Variants in NTM observed in about 807,000 individuals in gnomAD.
The protein encoded by NTM is IgLON family member 2.
A neutral mutation model predicts 42.1 loss-of-function variants in NTM; 13 were observed. That is an observed-to-expected ratio of 0.31 (90% confidence interval 0.20 to 0.49). The LOEUF is 0.49. NTM is among the 20% of genes least tolerant of loss of function. The probability of loss-of-function intolerance (pLI) is 0.99; values close to 1 mark genes in which losing one functional copy is unlikely to be tolerated. For synonymous variants in NTM, 187 were observed against 179.2 expected, an observed-to-expected ratio of 1.04 and a Z score of -0.35; for missense variants, 373 against 452.8, an observed-to-expected ratio of 0.82 and a Z score of 1.60.
At chr11:131,707,598 T>C (rs2076718151) in intron 1 of NTM, among the ~76,000 whole-genome samples, 1 of 152,128 alleles carries the variant, frequency 6.6e-6, no homozygotes, top group African/African-American at 2.4e-5. Context: ...TTATACTAAT[T>C]AACATTCCCA....
Position 131,596,074 on chromosome 11 carries a change from T to G in NTM, c.82+225186T>G, listed in dbSNP as rs992628784. 2.0e-5 allele frequency among the ~76,000 whole-genome samples: 3 copies of G among 152,174 alleles called. No individual in the cohort carries two copies. The East Asian group carries it at 5.8e-4, about 29-fold the overall frequency. On this transcript the variant is annotated intron_variant, in intron 1 of 8. Coordinates refer to ENST00000683400, the MANE Select transcript of NTM (RefSeq NM_001352005.2). Reference sequence around the variant, plus strand: ...TGTGACCGGGACAGTGTTTTTCTTGTTTGTAACATGAAGCTAATACCTCCC... The same window carrying G: ...TGTGACCGGGACAGTGTTTTTCTTGGTTGTAACATGAAGCTAATACCTCCC...
At chr11:131,837,825 G>A (rs1449745980) in intron 1 of NTM, among the ~76,000 whole-genome samples, 2 of 152,184 alleles carry the variant, frequency 1.3e-5, no homozygotes, top group Non-Finnish European at 2.9e-5. Context: ...CTGTGGCGAC[G>A]TGCCCTGACG....
intron 1 of NTM, among the ~76,000 whole-genome samples, chr11:131,879,300 A>G (rs2049096753): frequency 6.6e-6 from 1 of 152,130 alleles, no homozygotes; most frequent in Admixed American, 6.5e-5. Context: ...GGGCCTTCAC[A>G]TCAGGAAGCA....
At chr11:132,001,012 T>C (rs1378370746) in intron 2 of NTM, among the ~76,000 whole-genome samples, 1 of 152,168 alleles carries the variant, frequency 6.6e-6, no homozygotes, top group Non-Finnish European at 1.5e-5. Context: ...GTAGCATTCA[T>C]AGTCATCTGC....
chr11:132,314,889 G>GCAGA, intron 7 of NTM, 186 bp downstream of exon 7: 1 of 1,352,358 alleles, frequency 7.4e-7, no homozygotes, highest in Non-Finnish European at 9.5e-7. Flanking sequence ...CAGGGAGGAG[G>GCAGA]CAGACAGAAA....
chr11:131,479,552 A>G (rs570384570), intron 1 of NTM, among the ~76,000 whole-genome samples: 70 of 152,020 alleles, frequency 4.6e-4, no homozygotes, highest in African/African-American at 1.4e-3. Context: ...AAAATTTGGA[A>G]CTCCTCACCT....
chr11:131,485,308 G>T (rs1954047911), intron 1 of NTM, among the ~76,000 whole-genome samples: 1 of 152,200 alleles, frequency 6.6e-6, no homozygotes, highest in Admixed American at 6.5e-5. Context: ...ACCTGGTGGG[G>T]CAGGGGAAAT....
At chr11:131,605,194 G>A (rs943344832) in intron 1 of NTM, among the ~76,000 whole-genome samples, 13 of 151,878 alleles carry the variant, frequency 8.6e-5, no homozygotes, top group African/African-American at 3.1e-4. Context: ...TTCACAGAAT[G>A]ACTTTTCATT....
chr11:132,334,890 A>T, intron 8 of NTM, 156 bp from the exon 9 acceptor site: 1 of 787,548 alleles, frequency 1.3e-6, no homozygotes, highest in South Asian at 5.8e-5. Context: ...TGGGCCATAG[A>T]ACGTTCACTT....
chr11:131,495,428 G>T (rs1029789665), intron 1 of NTM, among the ~76,000 whole-genome samples: 1 of 152,250 alleles, frequency 6.6e-6, no homozygotes, highest in Non-Finnish European at 1.5e-5. Context: ...TGTGGCCCAG[G>T]GGCCAGGAAA....
chr11:132,047,114 G>C (rs952014619), intron 2 of NTM, among the ~76,000 whole-genome samples: 6 of 152,240 alleles, frequency 3.9e-5, no homozygotes, highest in Non-Finnish European at 7.3e-5. Context: ...TATTTCCCAA[G>C]TGTTTCCTTA....
At chr11:132,280,916 C>T (rs1158897623) in intron 4 of NTM, among the ~76,000 whole-genome samples, 1 of 152,210 alleles carries the variant, frequency 6.6e-6, no homozygotes, top group Non-Finnish European at 1.5e-5. Flanking sequence ...GCCCACAGGG[C>T]AGTCATTGGC....
At chr11:131,752,913 T>C (rs1032309394) in intron 1 of NTM, among the ~76,000 whole-genome samples, 2 of 151,984 alleles carry the variant, frequency 1.3e-5, no homozygotes, top group African/African-American at 4.8e-5. Context: ...ACTAAAGAGC[T>C]TCTGCACAGC....
chr11:131,858,094 T>C (rs1451496771), intron 1 of NTM, among the ~76,000 whole-genome samples: 1 of 152,144 alleles, frequency 6.6e-6, no homozygotes, highest in Non-Finnish European at 1.5e-5. Context: ...TGAGCTCTTA[T>C]GAGGTTCTGG....
intron 1 of NTM, chr11:131,795,269 T>G: frequency 2.0e-6 from 1 of 492,112 alleles, no homozygotes; most frequent in Non-Finnish European, 2.6e-6. Context: ...TAATCATTTC[T>G]TCCTTATAGG....
intron 1 of NTM, chr11:131,537,237 G>A (rs1185329766): frequency 1.3e-5 from 2 of 149,700 alleles, no homozygotes; most frequent in African/African-American, 4.9e-5. Context: ...ATGGGAAATT[G>A]AAAAACAAAA....
chr11:131,418,589 G>A (rs1194441724), intron 1 of NTM, among the ~76,000 whole-genome samples: 3 of 152,124 alleles, frequency 2.0e-5, no homozygotes, highest in African/African-American at 7.2e-5. Flanking sequence ...AGGGATTAGG[G>A]GCACCATGAT....
intron 2 of NTM, among the ~76,000 whole-genome samples, chr11:131,977,403 G>T (rs926444414): frequency 2.6e-5 from 4 of 152,286 alleles, no homozygotes; most frequent in Admixed American, 6.5e-5. Context: ...ATGCCAAATA[G>T]CTCTGTATGT....
chr11:131,666,308 C>T (rs1335660436), intron 1 of NTM, among the ~76,000 whole-genome samples: 1 of 152,192 alleles, frequency 6.6e-6, no homozygotes, highest in Non-Finnish European at 1.5e-5. Flanking sequence ...GCCCCTGGCC[C>T]TGCCTCCTGT....
Sources: allele counts gnomAD v4.1 joint callset (sites outside exome capture counted in the v4.1 genomes callset), GRCh38; gene constraint gnomAD v4.1.1; transcripts MANE v1.5; gene names NCBI Gene and HGNC (gene_info 2026-07-23, HGNC 2026-07-21).